The following ACVR1 variants were observed in gnomAD, a reference collection of about 807,000 sequenced individuals.
ACVR1 encodes the protein activin receptor type-1.
In ACVR1, 38 loss-of-function variants were observed where a neutral mutation model predicts 57.1. The ratio of observed to expected loss-of-function variants is 0.67; its 90% CI spans 0.51 to 0.87. The LOEUF (loss-of-function observed/expected upper bound fraction) is 0.87, where lower values mean the gene tolerates loss of function less well. Among genes scored for constraint, ACVR1 ranks in the 40% least tolerant of loss-of-function variants. ACVR1 has a pLI of 0.00. For missense variants in ACVR1, 463 were observed against 638.2 expected (o/e 0.73, Z 2.96); for synonymous variants, 212 against 228.1 (o/e 0.93, Z 0.63).
At position 157,856,864 on chromosome 2, in the gene ACVR1, G is replaced by A. The variant is rs746222443; in HGVS notation, c.-183+18932C>T. 5.3e-5 allele frequency among the ~76,000 whole-genome samples: 8 copies of A among 152,286 alleles called. No individual in the cohort carries two copies. In the Middle Eastern group the frequency reaches 0.017, roughly 324 times the overall value. On this transcript the variant is annotated intron_variant, in intron 1 of 10. Transcript: ENST00000434821. ...TCCGATACTGAGACGCAAGTTCAAGGTTACATGATCCATGCTACCTTCTTT... is the reference window on the plus strand; with the variant it reads ...TCCGATACTGAGACGCAAGTTCAAGATTACATGATCCATGCTACCTTCTTT...
chr2:157,761,802 T>C (rs1253910093), intron 8 of ACVR1, among the ~76,000 whole-genome samples: 1 of 152,204 alleles, frequency 6.6e-6, no homozygotes, highest in East Asian at 1.9e-4. Flanking sequence ...CATGCTTTAT[T>C]TGTGGATGAT....
chr2:157,798,659 C>T (rs895611741), intron 3 of ACVR1, among the ~76,000 whole-genome samples: 3 of 151,752 alleles, frequency 2.0e-5, no homozygotes, highest in African/African-American at 7.3e-5. Context: ...TCCCAAGTAT[C>T]TGGGATTACA....
chr2:157,805,830 TTTTTTTTTTTTG>T (rs1687508446), intron 2 of ACVR1, among the ~76,000 whole-genome samples: 1 of 142,174 alleles, frequency 7.0e-6, no homozygotes. Flanking sequence ...CTTTTTTTTT[TTTTTTTTTTTTG>T]AGACGAGGTC....
chr2:157,763,024 A>C (rs564430516), intron 8 of ACVR1, among the ~76,000 whole-genome samples: 1 of 152,226 alleles, frequency 6.6e-6, no homozygotes, highest in Non-Finnish European at 1.5e-5. Context: ...TTAAGATGCT[A>C]AATTTTACAG....
chr2:157,816,462 T>C (rs1307763885), intron 2 of ACVR1, among the ~76,000 whole-genome samples: 1 of 149,522 alleles, frequency 6.7e-6, no homozygotes, highest in Non-Finnish European at 1.5e-5. Context: ...CCAGGCGTGG[T>C]TGTGTACATC....
intron 1 of ACVR1, among the ~76,000 whole-genome samples, chr2:157,840,306 C>T (rs747521171): frequency 3.1e-4 from 47 of 152,200 alleles, no homozygotes; most frequent in Non-Finnish European, 5.9e-4. Flanking sequence ...CTTATTAAGG[C>T]TCGCCTGGGT....
At chr2:157,838,537 C>A (rs890052157) in intron 1 of ACVR1, among the ~76,000 whole-genome samples, 1 of 152,140 alleles carries the variant, frequency 6.6e-6, no homozygotes, top group Non-Finnish European at 1.5e-5. Flanking sequence ...CCCCAGTGTA[C>A]AAACTATTAG....
intron 8 of ACVR1, among the ~76,000 whole-genome samples, chr2:157,763,742 G>A (rs1490477828): frequency 2.0e-5 from 3 of 152,030 alleles, no homozygotes; most frequent in Non-Finnish European, 4.4e-5. Context: ...TCTTTTTGCA[G>A]GATTAATCAT....
intron 9 of ACVR1, among the ~76,000 whole-genome samples, chr2:157,748,784 T>C (rs1378551379): frequency 6.6e-6 from 1 of 152,176 alleles, no homozygotes; most frequent in African/African-American, 2.4e-5. Context: ...CCAATTTTAA[T>C]TATTGTACAC....
chr2:157,818,177 C>T (rs752789393), intron 2 of ACVR1, among the ~76,000 whole-genome samples: 7 of 152,102 alleles, frequency 4.6e-5, no homozygotes, highest in Admixed American at 6.5e-5. Flanking sequence ...ATGAAGGCAA[C>T]GCCAGAACTA....
chr2:157,810,359 G>C (rs1377055209), intron 2 of ACVR1, among the ~76,000 whole-genome samples: 1 of 152,152 alleles, frequency 6.6e-6, no homozygotes, highest in South Asian at 2.1e-4. Context: ...AACATGATGG[G>C]GGACAGGTGG....
At chr2:157,777,534 T>C (rs1686338033) in intron 5 of ACVR1, among the ~76,000 whole-genome samples, 1 of 152,246 alleles carries the variant, frequency 6.6e-6, no homozygotes, top group South Asian at 2.1e-4. Flanking sequence ...TTTGGGTTTT[T>C]TCATGTGTTT....
intron 3 of ACVR1, among the ~76,000 whole-genome samples, chr2:157,785,499 C>G (rs1425489287): frequency 6.6e-6 from 1 of 152,162 alleles, no homozygotes; most frequent in Non-Finnish European, 1.5e-5. Flanking sequence ...TGCCAGCAAG[C>G]CAGCTCCTAA....
At chr2:157,865,620 T>C (rs927990120) in intron 1 of ACVR1, among the ~76,000 whole-genome samples, 3 of 151,736 alleles carry the variant, frequency 2.0e-5, no homozygotes, top group African/African-American at 7.3e-5. Context: ...GGAGAAACCC[T>C]GTCTCTACTT....
intron 3 of ACVR1, among the ~76,000 whole-genome samples, chr2:157,791,146 A>G (rs1686895926): frequency 6.6e-6 from 1 of 152,184 alleles, no homozygotes; most frequent in Admixed American, 6.5e-5. Context: ...CATACGCCTC[A>G]TGCTATGCTG....
At chr2:157,753,402 C>G (rs892709032) in intron 9 of ACVR1, among the ~76,000 whole-genome samples, 3 of 152,038 alleles carry the variant, frequency 2.0e-5, no homozygotes, top group African/African-American at 7.3e-5. Context: ...GTGGTGGGTG[C>G]CTATAATCCC....
chr2:157,793,146 C>T (rs1686982608), intron 3 of ACVR1, among the ~76,000 whole-genome samples: 1 of 152,154 alleles, frequency 6.6e-6, no homozygotes, highest in African/African-American at 2.4e-5. Context: ...AGATGGCATT[C>T]ATCCTCTCAC....
At chr2:157,813,378 T>C (rs1296163354) in intron 2 of ACVR1, among the ~76,000 whole-genome samples, 1 of 152,250 alleles carries the variant, frequency 6.6e-6, no homozygotes, top group South Asian at 2.1e-4. Context: ...CTAGCCAATA[T>C]GGCAGAGACT....
chr2:157,778,702 GA>G (rs1285673274), intron 4 of ACVR1, among the ~76,000 whole-genome samples: 2 of 152,186 alleles, frequency 1.3e-5, no homozygotes, highest in Non-Finnish European at 2.9e-5. Context: ...ATCCTTAAGA[GA>G]AAGGGCTACC....
Sources: allele counts gnomAD v4.1 joint callset (sites outside exome capture counted in the v4.1 genomes callset), GRCh38; gene constraint gnomAD v4.1.1; transcripts MANE v1.5; gene names NCBI Gene and HGNC (gene_info 2026-07-23, HGNC 2026-07-21).